The following KLRG1 variants were observed in gnomAD, a reference collection of about 807,000 sequenced individuals.
KLRG1 encodes killer cell lectin-like receptor subfamily G member 1.
KLRG1 carries 16 observed loss-of-function variants against 21.8 expected under a neutral mutation model. The ratio of observed to expected loss-of-function variants is 0.73; its 90% confidence interval spans 0.50 to 1.11. The LOEUF is 1.11. Among genes scored for constraint, KLRG1 ranks in the 50% most tolerant of loss-of-function variants. The pLI, the probability that KLRG1 is intolerant of heterozygous loss-of-function variation, is 0.00. For synonymous variants in KLRG1, 69 were observed against 75.9 expected (o/e 0.91, Z 0.47); for missense variants, 173 against 218.3 (o/e 0.79, Z 1.31).
Position 9,008,607 on chromosome 12 carries a change from T to TTGC in KLRG1, c.358-368_358-367insTGC, listed in dbSNP as rs775466225. Among the ~76,000 whole-genome samples, 658 of 152,346 alleles carry TTGC rather than the reference T, an allele frequency of 4.3e-3. 4 individuals carry two copies. The highest frequency in any genetic ancestry group is 0.015 in the African/African-American group (620 of 41,584). On this transcript the variant is annotated intron_variant, in intron 3 of 4. Coordinates refer to ENST00000356986, the MANE Select transcript of KLRG1 (RefSeq NM_005810.4). Reference sequence around the variant, plus strand: ...GGTTCTCTGGCTCCTGGTGAGGACCTACTTCTGGCTTGCACATGGCTGCCT... The same window carrying TTGC: ...GGTTCTCTGGCTCCTGGTGAGGACCTTGCACTTCTGGCTTGCACATGGCTGCCT...
At chr12:9,111,491 A>G in the KLRG1 span, 1 of 456,210 alleles carries the variant, frequency 2.2e-6, no homozygotes, top group Admixed American at 2.4e-5. Context: ...AGCTTGCAGC[A>G]GTAGTTCAGA....
chr12:9,107,968 A>G, the KLRG1 span, among the ~76,000 whole-genome samples: 116 of 152,194 alleles, frequency 7.6e-4, no homozygotes, highest in African/African-American at 2.7e-3. Flanking sequence ...CGAAACAAAC[A>G]AAACAAAACA....
At chr12:9,051,922 C>G in the KLRG1 span, among the ~76,000 whole-genome samples, 2 of 152,202 alleles carry the variant, frequency 1.3e-5, no homozygotes. Flanking sequence ...AGAGACCAAT[C>G]AACAGGATGT....
the KLRG1 span, chr12:9,182,037 G>A: frequency 6.2e-7 from 1 of 1,613,662 alleles, no homozygotes; most frequent in Non-Finnish European, 8.5e-7. Flanking sequence ...TCTCCATCTG[G>A]TAAAATGGCA....
the KLRG1 span, among the ~76,000 whole-genome samples, chr12:9,043,223 C>T: frequency 1.3e-5 from 2 of 151,970 alleles, no homozygotes; most frequent in East Asian, 3.9e-4. Context: ...ATTACAGGTG[C>T]CCACCACCAC....
chr12:9,209,407 A>G, the KLRG1 span, among the ~76,000 whole-genome samples: 2 of 152,046 alleles, frequency 1.3e-5, no homozygotes, highest in African/African-American at 2.4e-5. Context: ...GAATGAAATA[A>G]TTTCTTTTAA....
At chr12:9,136,601 T>C in the KLRG1 span, among the ~76,000 whole-genome samples, 7 of 152,312 alleles carry the variant, frequency 4.6e-5, no homozygotes, top group South Asian at 1.5e-3. Context: ...GATGAATATA[T>C]ACACCATGTT....
intron 1 of KLRG1, among the ~76,000 whole-genome samples, chr12:8,990,878 A>G (rs1245142027): frequency 6.6e-6 from 1 of 152,196 alleles, no homozygotes; most frequent in East Asian, 1.9e-4. Context: ...TATTTCATTA[A>G]ATGTTCTCCT....
chr12:8,952,379 A>T (rs1946219742), intron 1 of KLRG1, among the ~76,000 whole-genome samples: 1 of 152,208 alleles, frequency 6.6e-6, no homozygotes, highest in Admixed American at 6.5e-5. Flanking sequence ...TTTTGTAGAG[A>T]CAGGGTCTCA....
the KLRG1 span, among the ~76,000 whole-genome samples, chr12:9,017,408 C>A: frequency 6.6e-6 from 1 of 151,476 alleles, no homozygotes; most frequent in African/African-American, 2.4e-5. Context: ...TTAAAAAGAT[C>A]ATTCATTATG....
At chr12:8,974,155 T>G (rs1053360688) in intron 1 of KLRG1, among the ~76,000 whole-genome samples, 2 of 146,604 alleles carry the variant, frequency 1.4e-5, no homozygotes, top group Non-Finnish European at 3.0e-5. Flanking sequence ...TTTTGTTTTT[T>G]TGTTTGTTTG....
the KLRG1 span, chr12:9,079,571 A>T: frequency 6.9e-7 from 1 of 1,442,482 alleles, no homozygotes; most frequent in Non-Finnish European, 9.6e-7. Flanking sequence ...TTCATAAGTA[A>T]CTGAAACCTA....
chr12:9,121,463 C>G, the KLRG1 span, among the ~76,000 whole-genome samples: 1 of 152,134 alleles, frequency 6.6e-6, no homozygotes, highest in Non-Finnish European at 1.5e-5. The surrounding 1 kb of genome is among the most constrained non-coding windows in gnomAD (Gnocchi z 4.4). Flanking sequence ...ATCGCTTAAA[C>G]CCGGGAGGCA....
At chr12:9,155,246 A>C in the KLRG1 span, among the ~76,000 whole-genome samples, 1 of 152,218 alleles carries the variant, frequency 6.6e-6, no homozygotes, top group Non-Finnish European at 1.5e-5. Flanking sequence ...AGAGATAAAA[A>C]TAGTTTGAAA....
the KLRG1 span, chr12:9,068,975 T>A: frequency 3.5e-6 from 2 of 571,410 alleles, no homozygotes; most frequent in Non-Finnish European, 6.0e-6. Flanking sequence ...CTTAATTAAA[T>A]TGTGCAGAAA....
At chr12:9,112,365 G>A in the KLRG1 span, 2 of 1,610,886 alleles carry the variant, frequency 1.2e-6, no homozygotes, top group Non-Finnish European at 1.7e-6. Context: ...CTGTCTGTAG[G>A]CTTCTTCATA....
chr12:9,154,838 G>T, the KLRG1 span: 1 of 1,612,860 alleles, frequency 6.2e-7, no homozygotes, highest in East Asian at 2.2e-5. Flanking sequence ...GGACGAGGTT[G>T]TCTTAAGGGT....
the KLRG1 span, among the ~76,000 whole-genome samples, chr12:9,092,415 C>T: frequency 6.6e-6 from 1 of 152,126 alleles, no homozygotes; most frequent in African/African-American, 2.4e-5. Context: ...TACCCGCCCC[C>T]ACCACCCCTT....
At chr12:9,195,295 A>T in the KLRG1 span, among the ~76,000 whole-genome samples, 271 of 152,288 alleles carry the variant, frequency 1.8e-3, no homozygotes, top group Admixed American at 2.7e-3. Flanking sequence ...TATTCCATAA[A>T]TGTTAGTTAC....
Sources: allele counts gnomAD v4.1 joint callset (sites outside exome capture counted in the v4.1 genomes callset), GRCh38; gene constraint gnomAD v4.1.1; non-coding constraint Gnocchi (gnomAD v3.1); transcripts MANE v1.5; gene names NCBI Gene and HGNC (gene_info 2026-07-23, HGNC 2026-07-21).